The following NCOA1 variants were observed in gnomAD, a reference collection of about 807,000 sequenced individuals.
NCOA1 encodes the protein nuclear receptor coactivator 1, also known as Hin-2 protein.
A neutral mutation model predicts 150.9 loss-of-function variants in NCOA1; 35 were observed. The ratio of observed to expected loss-of-function variants is 0.23; its 90% CI spans 0.18 to 0.31. The LOEUF is 0.31. Ranked by LOEUF, NCOA1 falls within the 10% of genes least tolerant of loss-of-function variation. The pLI, the probability that NCOA1 is intolerant of heterozygous loss-of-function variation, is 1.00. For missense variants in NCOA1, 1,491 were observed against 1,749.3 expected, an observed-to-expected ratio of 0.85 and a Z score of 2.63; for synonymous variants, 590 against 630.0, an observed-to-expected ratio of 0.94 and a Z score of 0.95.
Position 24,576,219 on chromosome 2 carries a change from G to A in NCOA1, c.-259-8257G>A, listed in dbSNP as rs1375613118. On this transcript the variant is annotated intron_variant, in intron 2 of 22. Transcript: ENST00000348332. Reference sequence around the variant, plus strand: ...TTGCTAGTCCTTTCTCCAACCTCAGGTGGTTTCCTTCCACACAGGACATAT... The same window carrying A: ...TTGCTAGTCCTTTCTCCAACCTCAGATGGTTTCCTTCCACACAGGACATAT... 3.3e-5 allele frequency among the ~76,000 whole-genome samples: 4 copies of A among 122,114 alleles called. No individual in the cohort carries two copies. The Admixed American group carries it at 3.9e-4, about 12-fold the overall frequency. The allele number at this position is 122,114 out of a possible 152,430, so 80.1% of individuals were successfully genotyped here.
chr2:24,587,100 AG>A (rs1323638601), intron 3 of NCOA1, among the ~76,000 whole-genome samples: 3 of 150,972 alleles, frequency 2.0e-5, no homozygotes, highest in Non-Finnish European at 2.9e-5. Context: ...TCAGCAGAGA[AG>A]AAAAAAAAAA....
intron 1 of NCOA1, among the ~76,000 whole-genome samples, chr2:24,547,210 T>A (rs1033888804): frequency 2.6e-5 from 4 of 152,238 alleles, no homozygotes; most frequent in African/African-American, 7.2e-5. Context: ...TAACATGTAA[T>A]AATTTAAGTC....
At chr2:24,669,234 G>T (rs1671577795) in intron 6 of NCOA1, among the ~76,000 whole-genome samples, 1 of 152,146 alleles carries the variant, frequency 6.6e-6, no homozygotes, top group Non-Finnish European at 1.5e-5. Flanking sequence ...AAATACAATG[G>T]TTTTAAAAAG....
At position 24,706,632 on chromosome 2, in the gene NCOA1, C is replaced by A. The variant is rs1356715014; in HGVS notation, c.1162C>A (p.Pro388Thr). ...NSGMSIPRVNPSVNPSISPAH... is the reference protein window; with the variant it reads ...NSGMSIPRVNTSVNPSISPAH... ...TGGAATGTCAATTCCCCGAGTAAAT[C>A]CCTCGGTCAATCCTAGTATCTCTCC... is the stretch of plus-strand genomic sequence containing the variant. Residue 388 changes from proline to threonine, a missense_variant, in exon 13 of 23, where the codon CCC becomes ACC. Pro to Thr is a conservative substitution (Grantham distance 38). Around this residue, in one of 8 missense-constraint regions of NCOA1, gnomAD observed 703 missense variants for 717.7 expected, o/e 0.98. Transcript: ENST00000348332. The A allele has an allele frequency of 9.3e-6, 15 of 1,614,008 alleles. No individual in the cohort carries two copies. Among genetic ancestry groups the A allele is most frequent in the African/African-American group, 2.7e-5 (2 of 74,916 alleles).
At chr2:24,660,355 TTTG>T (rs1671128804) in intron 5 of NCOA1, among the ~76,000 whole-genome samples, 1 of 151,854 alleles carries the variant, frequency 6.6e-6, no homozygotes, top group African/African-American at 2.4e-5. Context: ...ATATTATTAT[TTTG>T]TTAATATGTT....
At chr2:24,749,265 A>G (rs1444652561) in intron 19 of NCOA1, among the ~76,000 whole-genome samples, 1 of 152,168 alleles carries the variant, frequency 6.6e-6, no homozygotes, top group Non-Finnish European at 1.5e-5. Context: ...GAGCCAGGCC[A>G]TTTCCCTGAG....
At chr2:24,576,399 AG>A (rs1490384815) in intron 2 of NCOA1, among the ~76,000 whole-genome samples, 2 of 151,854 alleles carry the variant, frequency 1.3e-5, no homozygotes, top group Non-Finnish European at 2.9e-5. Context: ...TGAGACTGTA[AG>A]GTTCTGTTTA....
rs1188577609 is a variant in NCOA1 at position 24,503,044 on chromosome 2, A to G, written c.-396+11442A>G. On this transcript the variant is annotated intron_variant, in intron 1 of 22. Transcript: ENST00000348332. ...TTGTCCTCTGCAGTGTCTTACACAC[A>G]TAGATATTACAATATTTGTCAAGTC... 3.3e-5 allele frequency among the ~76,000 whole-genome samples: 5 copies of G among 152,234 alleles called. No homozygotes were observed. The East Asian group carries it at 5.8e-4, about 18-fold the overall frequency.
chr2:24,629,869 A>G (rs1669624038), intron 3 of NCOA1, among the ~76,000 whole-genome samples: 2 of 118,920 alleles, frequency 1.7e-5, no homozygotes, highest in African/African-American at 3.5e-5. Context: ...TTTGAGATGG[A>G]GTCTCGCTTT....
intron 6 of NCOA1, among the ~76,000 whole-genome samples, chr2:24,671,587 G>T (rs931744046): frequency 6.6e-6 from 1 of 152,092 alleles, no homozygotes; most frequent in African/African-American, 2.4e-5. Flanking sequence ...TTAAGAGAGG[G>T]TCTCACTCTG....
chr2:24,705,229 G>A lies in NCOA1; in HGVS notation c.1093G>A (p.Asp365Asn), dbSNP rs773483580. 16 of 1,613,608 alleles carry A rather than the reference G, an allele frequency of 9.9e-6. No individual in the cohort carries two copies. In the Admixed American group the frequency reaches 1.3e-4, roughly 13 times the overall value. The change falls in exon 12 of 23, where the codon GAC (aspartate) becomes AAC (asparagine). Residue 365 changes from aspartate (D) to asparagine (N), a missense_variant. Coordinates refer to ENST00000348332, the MANE Select transcript of NCOA1 (RefSeq NM_003743.5). The stretch of plus-strand genomic sequence containing the variant: ...TTTCATCATGGGAATTCATATCATC[G>A]ACAGGTACTACTTATTTGGAGAGCT... ...QPFIMGIHII[D>N]REHSGLSPQD...
At chr2:24,722,989 CAAAAA>C (rs5829932) in intron 14 of NCOA1, among the ~76,000 whole-genome samples, 56 of 90,012 alleles carry the variant, frequency 6.2e-4, no homozygotes, top group Non-Finnish European at 9.6e-4. Context: ...ACCCTGTCTC[CAAAAA>C]AAAAAAAAAA....
intron 15 of NCOA1, 112 bp from the exon 16 acceptor site, chr2:24,728,196 C>A: frequency 1.3e-6 from 1 of 787,376 alleles, no homozygotes; most frequent in Non-Finnish European, 1.9e-6. Context: ...AATTGCCAAG[C>A]ATCTCAACAG....
At chr2:24,680,854 A>C (rs1572582905) in intron 7 of NCOA1, among the ~76,000 whole-genome samples, 1 of 152,156 alleles carries the variant, frequency 6.6e-6, no homozygotes, top group Admixed American at 6.5e-5. Context: ...TTCTCAATTA[A>C]AAAACAATCA....
At chr2:24,697,628 T>A in intron 10 of NCOA1, 30 bp from the exon 11 acceptor site, 1 of 1,567,708 alleles carries the variant, frequency 6.4e-7, no homozygotes, top group Non-Finnish European at 8.7e-7. Context: ...AAGAGGCTGT[T>A]ATAAATATAA....
In NCOA1 at chr2:24,707,706, C is replaced by T; in HGVS notation, c.2236C>T (p.His746Tyr). 1.9e-6 allele frequency: 3 copies of T among 1,614,088 alleles called. No homozygotes were observed. Among genetic ancestry groups the T allele is most frequent in the Non-Finnish European group, 2.5e-6 (3 of 1,179,954 alleles). Reference protein sequence around the residue: ...DASKKKESKDHQLLRYLLDKD... With the variant: ...DASKKKESKDYQLLRYLLDKD... ...TTCAAAGAAAAAAGAATCAAAAGAC[C>T]ATCAGCTCCTACGCTATCTTTTAGA... The change falls in exon 13 of 23, where the codon CAT becomes TAT. Residue 746 changes from histidine to tyrosine, a missense_variant. Physicochemically the swap from His to Tyr is moderately conservative, Grantham distance 83. This residue lies in a region of NCOA1 where 703 missense variants were observed against 717.7 expected (regional missense o/e 0.98). Transcript: ENST00000348332.
At chr2:24,526,816 A>C (rs944451918) in intron 1 of NCOA1, among the ~76,000 whole-genome samples, 2 of 152,168 alleles carry the variant, frequency 1.3e-5, no homozygotes, top group Non-Finnish European at 2.9e-5. Context: ...TGGGTTTTGC[A>C]TCCATGGATT....
intron 5 of NCOA1, 126 bp downstream of exon 5, chr2:24,658,892 T>C: frequency 1.3e-6 from 1 of 796,920 alleles, no homozygotes; most frequent in Non-Finnish European, 2.0e-6. Context: ...ACTCACCATG[T>C]TGTCTTCCTT....
Position 24,566,102 on chromosome 2 carries a change from C to T in NCOA1, c.-260+1672C>T, listed in dbSNP as rs7597968. Among the ~76,000 whole-genome samples the T allele has an allele frequency of 9.2e-3, 1,403 of 152,270 alleles. 10 individuals are homozygous for T. Among genetic ancestry groups the T allele is most frequent in the Non-Finnish European group, 0.013 (873 of 68,012 alleles). ...TTCAATCCTGCCATTTGATATGTCC[C>T]GAGTTCTTGTCCCACACCCAGGAAG... On this transcript the variant is annotated intron_variant, in intron 2 of 22. Coordinates refer to ENST00000348332, the MANE Select transcript of NCOA1 (RefSeq NM_003743.5).
Sources: allele counts gnomAD v4.1 joint callset (sites outside exome capture counted in the v4.1 genomes callset), GRCh38; gene constraint gnomAD v4.1.1; regional missense constraint gnomAD v4.1.1; transcripts MANE v1.5; gene names NCBI Gene and HGNC (gene_info 2026-07-23, HGNC 2026-07-21).